Variants in NEMP2 observed in about 807,000 individuals in gnomAD.
NEMP2 encodes UPF0571 transmembrane protein.
In NEMP2, 53 loss-of-function variants were observed where a neutral mutation model predicts 54.2. The ratio of observed to expected loss-of-function variants is 0.98; its 90% CI spans 0.78 to 1.23. The LOEUF (loss-of-function observed/expected upper bound fraction) is 1.23, where lower values mean the gene tolerates loss of function less well. Ranked by LOEUF, NEMP2 falls within the 50% of genes most tolerant of loss-of-function variation. The probability of loss-of-function intolerance (pLI) is 0.00; values close to 1 mark genes in which losing one functional copy is unlikely to be tolerated. For missense variants in NEMP2, 455 were observed against 511.3 expected, an observed-to-expected ratio of 0.89 and a Z score of 1.06; for synonymous variants, 197 against 190.3, an observed-to-expected ratio of 1.04 and a Z score of -0.29.
upstream of NEMP2, among the ~76,000 whole-genome samples, chr2:190,537,816 T>G (rs115463266): frequency 1.1e-3 from 162 of 152,282 alleles, 1 homozygote; most frequent in African/African-American, 3.8e-3. Flanking sequence ...AACAAAACTA[T>G]GGGGAAAATG....
the NEMP2 span, among the ~76,000 whole-genome samples, chr2:190,471,554 C>T: frequency 2.0e-5 from 3 of 152,196 alleles, no homozygotes; most frequent in African/African-American, 7.2e-5. The surrounding 1 kb of genome is among the most constrained non-coding windows in gnomAD (Gnocchi z 4.7). Context: ...GGGGCACCCG[C>T]CATTGCTGAG....
chr2:190,499,078 G>A, the NEMP2 span, among the ~76,000 whole-genome samples: 1 of 152,280 alleles, frequency 6.6e-6, no homozygotes, highest in African/African-American at 2.4e-5. This position sits in a 1 kb window ranked among gnomAD's most constrained non-coding sequence, Gnocchi z 6.0. Flanking sequence ...AACCCAGCAG[G>A]AGGAGGTTGC....
chr2:190,447,966 G>C, the NEMP2 span, among the ~76,000 whole-genome samples: 1 of 152,126 alleles, frequency 6.6e-6, no homozygotes, highest in Admixed American at 6.5e-5. This position sits in a 1 kb window ranked among gnomAD's most constrained non-coding sequence, Gnocchi z 4.5. Flanking sequence ...AAGAAGAAAA[G>C]GCCATTGTTG....
chr2:190,636,214 G>A, the NEMP2 span, among the ~76,000 whole-genome samples: 1 of 152,178 alleles, frequency 6.6e-6, no homozygotes. Context: ...CTGATCTGAT[G>A]AATGGATGAG....
the NEMP2 span, among the ~76,000 whole-genome samples, chr2:190,449,798 G>A: frequency 6.6e-6 from 1 of 152,034 alleles, no homozygotes; most frequent in African/African-American, 2.4e-5. Context: ...CTCACTCATA[G>A]GTGGGAACTG....
chr2:190,599,867 C>G, the NEMP2 span, among the ~76,000 whole-genome samples: 1 of 152,144 alleles, frequency 6.6e-6, no homozygotes, highest in Non-Finnish European at 1.5e-5. Flanking sequence ...CCCATCCCCC[C>G]ATCCCAATCA....
the NEMP2 span, among the ~76,000 whole-genome samples, chr2:190,461,265 T>A: frequency 6.6e-6 from 1 of 152,362 alleles, no homozygotes; most frequent in South Asian, 2.1e-4. This position sits in a 1 kb window ranked among gnomAD's most constrained non-coding sequence, Gnocchi z 5.5. Flanking sequence ...AGTGACTTGA[T>A]GTCTGTTCAT....
the NEMP2 span, among the ~76,000 whole-genome samples, chr2:190,588,718 A>G: frequency 6.6e-6 from 1 of 152,126 alleles, no homozygotes; most frequent in African/African-American, 2.4e-5. The surrounding 1 kb of genome is among the most constrained non-coding windows in gnomAD (Gnocchi z 5.0). Context: ...AACTGCCAGA[A>G]AAGAGATTAT....
chr2:190,579,151 G>A, the NEMP2 span, among the ~76,000 whole-genome samples: 1 of 151,938 alleles, frequency 6.6e-6, no homozygotes, highest in Non-Finnish European at 1.5e-5. Flanking sequence ...CCTTTTTGAT[G>A]GCCTTTGAAA....
At chr2:190,590,854 A>G in the NEMP2 span, among the ~76,000 whole-genome samples, 1 of 152,166 alleles carries the variant, frequency 6.6e-6, no homozygotes. This position sits in a 1 kb window ranked among gnomAD's most constrained non-coding sequence, Gnocchi z 5.1. Flanking sequence ...TCATAAAACT[A>G]TGGCAGGCTA....
At chr2:190,490,443 A>G in the NEMP2 span, among the ~76,000 whole-genome samples, 12 of 151,968 alleles carry the variant, frequency 7.9e-5, no homozygotes, top group South Asian at 2.3e-3. The surrounding 1 kb of genome is among the most constrained non-coding windows in gnomAD (Gnocchi z 4.5). Flanking sequence ...GGCGCCTGTA[A>G]TCCCAGCTAC....
At chr2:190,607,451 G>T in the NEMP2 span, among the ~76,000 whole-genome samples, 1 of 152,110 alleles carries the variant, frequency 6.6e-6, no homozygotes, top group Admixed American at 6.5e-5. This position sits in a 1 kb window ranked among gnomAD's most constrained non-coding sequence, Gnocchi z 5.2. Context: ...ACTATGGGCA[G>T]AACTGAAGCA....
the NEMP2 span, among the ~76,000 whole-genome samples, chr2:190,466,227 T>G: frequency 6.6e-6 from 1 of 152,214 alleles, no homozygotes; most frequent in African/African-American, 2.4e-5. Flanking sequence ...AATCACATTT[T>G]GAGGTACTGG....
At chr2:190,577,730 G>A in the NEMP2 span, among the ~76,000 whole-genome samples, 11 of 152,114 alleles carry the variant, frequency 7.2e-5, no homozygotes, top group African/African-American at 1.2e-4. The surrounding 1 kb of genome is among the most constrained non-coding windows in gnomAD (Gnocchi z 4.8). Flanking sequence ...ACAAAAAGCC[G>A]GGTGTGATGG....
At chr2:190,503,289 C>G (rs1350760315), downstream of NEMP2, among the ~76,000 whole-genome samples, 1 of 152,216 alleles carries the variant, frequency 6.6e-6, no homozygotes, top group Admixed American at 6.5e-5. The surrounding 1 kb of genome is among the most constrained non-coding windows in gnomAD (Gnocchi z 6.3). Flanking sequence ...GGAAAGCAGA[C>G]ACACCCACAG....
At chr2:190,465,978 C>T in the NEMP2 span, among the ~76,000 whole-genome samples, 3 of 152,110 alleles carry the variant, frequency 2.0e-5, no homozygotes, top group African/African-American at 7.2e-5. The surrounding 1 kb of genome is among the most constrained non-coding windows in gnomAD (Gnocchi z 4.6). Context: ...CAAAAAAACT[C>T]GGAAGTTTAT....
chr2:190,608,154 G>A, the NEMP2 span: 30,301 of 152,104 alleles, frequency 0.2, 3,103 homozygotes, highest in Non-Finnish European at 0.23. The surrounding 1 kb of genome is among the most constrained non-coding windows in gnomAD (Gnocchi z 4.9). Context: ...TTCCCCATCC[G>A]TTAGTCACTT....
chr2:190,528,045 A>G lies in NEMP2; in HGVS notation c.98-2667T>C, dbSNP rs1691004122. 6.6e-6 allele frequency among the ~76,000 whole-genome samples: 1 copy of G among 152,198 alleles called. No individual in the cohort carries two copies. Among genetic ancestry groups the G allele is most frequent in the Admixed American group, 6.5e-5 (1 of 15,280 alleles). On this transcript the variant is annotated intron_variant, in intron 1 of 8. Transcript: ENST00000409150. The surrounding 1 kb of genome is among the most constrained non-coding windows in gnomAD (Gnocchi z 4.3). ...CTAAAAATGAAAAACATGCTCCTGC[A>G]TGGTGTGTCCATGCACAAGAGCCAA...
At chr2:190,424,586 C>T in the NEMP2 span, among the ~76,000 whole-genome samples, 3 of 152,116 alleles carry the variant, frequency 2.0e-5, no homozygotes, top group African/African-American at 4.8e-5. This position sits in a 1 kb window ranked among gnomAD's most constrained non-coding sequence, Gnocchi z 5.9. Flanking sequence ...CCGTCCACCT[C>T]GGCCACCAAA....
Sources: allele counts gnomAD v4.1 joint callset (sites outside exome capture counted in the v4.1 genomes callset), GRCh38; gene constraint gnomAD v4.1.1; non-coding constraint Gnocchi (gnomAD v3.1); transcripts MANE v1.5; gene names NCBI Gene and HGNC (gene_info 2026-07-23, HGNC 2026-07-21).